The following NBEA variants were observed in gnomAD, a reference collection of about 807,000 sequenced individuals.
NBEA encodes the protein lysosomal-trafficking regulator 2.
A neutral mutation model predicts 343.4 loss-of-function variants in NBEA; 44 were observed. That is an observed-to-expected ratio of 0.13 (90% CI 0.10 to 0.16). The LOEUF is 0.16. NBEA is among the 10% of genes least tolerant of loss of function. The probability of loss-of-function intolerance (pLI) is 1.00; values close to 1 mark genes in which losing one functional copy is unlikely to be tolerated. For synonymous variants in NBEA, 1,175 were observed against 1,238.7 expected (o/e 0.95, Z 1.08); for missense variants, 2,555 against 3,631.3 (o/e 0.70, Z 7.62).
intron 8 of NBEA, among the ~76,000 whole-genome samples, chr13:35,061,665 C>A (rs993212311): frequency 6.6e-6 from 1 of 151,590 alleles, no homozygotes; most frequent in Non-Finnish European, 1.5e-5. Flanking sequence ...ATTGCTATAT[C>A]ATAATAAAGT....
intron 48 of NBEA, among the ~76,000 whole-genome samples, chr13:35,608,244 C>G (rs1056780180): frequency 6.6e-6 from 1 of 152,058 alleles, no homozygotes; most frequent in East Asian, 1.9e-4. Context: ...GCCAATCTCT[C>G]TCACTTCTCA....
intron 17 of NBEA, among the ~76,000 whole-genome samples, chr13:35,130,061 G>T (rs2786228): frequency 0.083 from 12,633 of 152,044 alleles, 1,218 homozygotes; most frequent in African/African-American, 0.23. Context: ...TGGAACAAAT[G>T]ATATATTTTT....
chr13:35,428,392 C>T (rs534436229), intron 38 of NBEA, among the ~76,000 whole-genome samples: 1 of 152,322 alleles, frequency 6.6e-6, no homozygotes, highest in Admixed American at 6.5e-5. Flanking sequence ...ATCCCTAAGG[C>T]TCTGTTCACT....
At chr13:35,301,688 CTTTGGGTATAT>C (rs2036560014) in intron 35 of NBEA, among the ~76,000 whole-genome samples, 1 of 152,118 alleles carries the variant, frequency 6.6e-6, no homozygotes, top group African/African-American at 2.4e-5. Flanking sequence ...ATTTATCATC[CTTTGGGTATAT>C]ACCCAGTAAT....
intron 8 of NBEA, among the ~76,000 whole-genome samples, chr13:35,064,377 T>G (rs760302903): frequency 6.6e-6 from 1 of 152,030 alleles, no homozygotes; most frequent in Non-Finnish European, 1.5e-5. Context: ...TTAAATCTCC[T>G]TTCTTCTTCA....
intron 48 of NBEA, among the ~76,000 whole-genome samples, chr13:35,624,053 TGG>T (rs34053575): frequency 0.037 from 4,507 of 121,848 alleles, 251 homozygotes; most frequent in African/African-American, 0.13. Flanking sequence ...TGTGTGTGTG[TGG>T]GTGTGTGTGT....
At chr13:35,310,966 T>A (rs1357981756) in intron 36 of NBEA, among the ~76,000 whole-genome samples, 1 of 152,186 alleles carries the variant, frequency 6.6e-6, no homozygotes, top group Non-Finnish European at 1.5e-5. Context: ...ATATCTTCTG[T>A]TTTTATAACA....
chr13:34,943,273 C>T (rs1438814080), intron 1 of NBEA, among the ~76,000 whole-genome samples, 159 bp downstream of exon 1: 1 of 152,116 alleles, frequency 6.6e-6, no homozygotes, highest in East Asian at 1.9e-4. Context: ...GACCTGCCTG[C>T]GCGCTGCTAG....
intron 34 of NBEA, among the ~76,000 whole-genome samples, chr13:35,232,965 A>G (rs1285998064): frequency 2.6e-5 from 4 of 152,112 alleles, no homozygotes; most frequent in Non-Finnish European, 5.9e-5. Context: ...TGACTCTGAG[A>G]GCCATGCACC....
intron 34 of NBEA, among the ~76,000 whole-genome samples, chr13:35,244,101 G>A (rs1286089349): frequency 6.6e-6 from 1 of 151,670 alleles, no homozygotes; most frequent in Non-Finnish European, 1.5e-5. Flanking sequence ...TCTAATCACA[G>A]TGGAATGAAA....
At chr13:35,492,026 AGT>A (rs550895055) in intron 41 of NBEA, among the ~76,000 whole-genome samples, 1 of 152,014 alleles carries the variant, frequency 6.6e-6, no homozygotes, top group South Asian at 2.1e-4. Flanking sequence ...GGAGGTGGAA[AGT>A]GAGGTAGACA....
chr13:35,452,062 C>T (rs1406380782), intron 39 of NBEA, 30 bp from the exon 40 acceptor site: 1 of 1,533,106 alleles, frequency 6.5e-7, no homozygotes. Context: ...ATCATAATAA[C>T]CTAAATGATT....
rs981173825 is a variant in NBEA, at chr13:35,668,389, G to T, written c.8683G>T (p.Gly2895Cys). 6.2e-7 allele frequency: 1 copy of T among 1,608,468 alleles called. No individual in the cohort carries two copies. The highest frequency in any genetic ancestry group is 2.2e-5 in the East Asian group (1 of 44,762). The change falls in exon 58 of 59, where the codon GGC (glycine) becomes TGC (cysteine). Residue 2895 changes from glycine to cysteine, a missense_variant. Around this residue, in one of 21 missense-constraint regions of NBEA, gnomAD observed 186 missense variants for 328.9 expected, o/e 0.57. Transcript: ENST00000379939. ...STRAILLSSD[G>C]QNLVTGGDNG... ...GAAGGCCATTCTCCTGAGCAGTGAC[G>T]GCCAGAACCTGGTCACCGGAGGGGA...
At chr13:35,648,582 C>T (rs1323288819) in intron 51 of NBEA, among the ~76,000 whole-genome samples, 1 of 152,092 alleles carries the variant, frequency 6.6e-6, no homozygotes, top group Non-Finnish European at 1.5e-5. Context: ...TGGCATGAAA[C>T]TGTTTATAAA....
chr13:35,466,018 A>T (rs183105951), intron 40 of NBEA, among the ~76,000 whole-genome samples: 29 of 152,310 alleles, frequency 1.9e-4, no homozygotes, highest in African/African-American at 6.7e-4. Context: ...ACTATGATGA[A>T]CAAATAATAT....
chr13:35,298,677 T>A (rs2036327494), intron 35 of NBEA, among the ~76,000 whole-genome samples: 1 of 151,972 alleles, frequency 6.6e-6, no homozygotes, highest in African/African-American at 2.4e-5. Flanking sequence ...AATAATAAGA[T>A]GTGTCCAATT....
intron 1 of NBEA, among the ~76,000 whole-genome samples, chr13:35,009,156 A>C (rs1243827091): frequency 6.6e-6 from 1 of 152,226 alleles, no homozygotes; most frequent in Non-Finnish European, 1.5e-5. Flanking sequence ...AAATTCATTT[A>C]TTGAAACATT....
intron 40 of NBEA, among the ~76,000 whole-genome samples, chr13:35,455,633 G>T (rs2046543497): frequency 6.6e-6 from 1 of 151,996 alleles, no homozygotes. Flanking sequence ...TGAAAATATT[G>T]ACAAATGGAT....
intron 48 of NBEA, among the ~76,000 whole-genome samples, chr13:35,625,322 AAT>A (rs770363142): frequency 1.3e-5 from 2 of 152,172 alleles, no homozygotes; most frequent in Non-Finnish European, 2.9e-5. Context: ...TCTTATCTAA[AAT>A]ATATAAATCA....
Sources: gnomAD v4.1 joint callset for allele counts (sites outside exome capture counted in the v4.1 genomes callset) on GRCh38, gnomAD v4.1.1 for gene constraint, gnomAD v4.1.1 regional missense constraint, MANE v1.5 for transcripts, NCBI Gene and HGNC (gene_info 2026-07-23, HGNC 2026-07-21) for gene names.